CRIM1: variants seen among roughly 807,000 people sequenced by gnomAD.
CRIM1 encodes cysteine rich transmembrane BMP regulator 1, also known as cysteine-rich motor neuron 1 protein.
CRIM1 carries 32 observed loss-of-function variants against 116.4 expected under a neutral mutation model. That is an observed-to-expected ratio of 0.27 (90% CI 0.21 to 0.37). CRIM1 has a LOEUF of 0.37. Ranked by LOEUF, CRIM1 falls within the 10% of genes least tolerant of loss-of-function variation. The probability of loss-of-function intolerance (pLI) is 1.00; values close to 1 mark genes in which losing one functional copy is unlikely to be tolerated. For missense variants in CRIM1, 1,331 were observed against 1,354.8 expected (o/e 0.98, Z 0.28); for synonymous variants, 590 against 509.2 (o/e 1.16, Z -2.13).
intron 1 of CRIM1, among the ~76,000 whole-genome samples, chr2:36,367,427 C>G (rs1214433982): frequency 6.6e-6 from 1 of 152,140 alleles, no homozygotes; most frequent in Non-Finnish European, 1.5e-5. Context: ...TTTGAATCCC[C>G]CTTCATCTCT....
At chr2:36,362,364 C>G (rs954077694) in intron 1 of CRIM1, among the ~76,000 whole-genome samples, 3 of 152,142 alleles carry the variant, frequency 2.0e-5, no homozygotes, top group Non-Finnish European at 4.4e-5. Context: ...GTAGCCCTTT[C>G]TTTTGGCAGG....
intron 2 of CRIM1, among the ~76,000 whole-genome samples, chr2:36,405,900 A>T (rs967006340): frequency 2.0e-5 from 3 of 152,242 alleles, no homozygotes; most frequent in Non-Finnish European, 4.4e-5. Flanking sequence ...GTAAGGGACA[A>T]AACAAACCCT....
chr2:36,529,360 TAAC>T (rs1227139194), intron 13 of CRIM1: 4 of 252,942 alleles, frequency 1.6e-5, no homozygotes, highest in Admixed American at 1.3e-4. Context: ...AAGGTTTTCT[TAAC>T]AAGATGGTAT....
intron 13 of CRIM1, among the ~76,000 whole-genome samples, chr2:36,526,235 T>C (rs1665750019): frequency 6.6e-6 from 1 of 152,238 alleles, no homozygotes; most frequent in Non-Finnish European, 1.5e-5. Flanking sequence ...TAGATTTTAT[T>C]TTCATAAGCT....
chr2:36,465,938 T>G (rs939452891), intron 5 of CRIM1, among the ~76,000 whole-genome samples: 1 of 151,274 alleles, frequency 6.6e-6, no homozygotes, highest in Non-Finnish European at 1.5e-5. Context: ...CAGGCTGGAG[T>G]GCAGTGGCGC....
chr2:36,442,687 A>G lies in CRIM1; in HGVS notation c.821A>G (p.Glu274Gly), dbSNP rs1388836554. The G allele has an allele frequency of 6.2e-7, 1 of 1,614,072 alleles. No homozygotes were observed. The highest frequency in any genetic ancestry group is 8.5e-7 in the Non-Finnish European group (1 of 1,180,038). ...ACCGCGTGTCCCCCGGACAGCTATG[A>G]AACTCAAGTCAGACTAACTGCAGAT... ...QQTACPPDSY[E>G]TQVRLTADGC... Residue 274 changes from glutamate (E) to glycine (G), a missense_variant, in exon 4 of 17, where the codon GAA (glutamate) becomes GGA (glycine). By Grantham distance (98) the Glu-to-Gly change is moderately conservative. Coordinates refer to ENST00000280527, the MANE Select transcript of CRIM1 (RefSeq NM_016441.3).
intron 1 of CRIM1, among the ~76,000 whole-genome samples, chr2:36,365,757 CAG>C (rs1488795249): frequency 7.8e-6 from 1 of 128,302 alleles, no homozygotes; most frequent in Non-Finnish European, 1.6e-5. Flanking sequence ...TTTTTTGAGA[CAG>C]AGTCTCACTC....
chr2:36,489,936 T>G (rs1680106179), intron 7 of CRIM1, among the ~76,000 whole-genome samples: 1 of 152,292 alleles, frequency 6.6e-6, no homozygotes, highest in South Asian at 2.1e-4. Flanking sequence ...GATATCAGAC[T>G]GCTACTCAGC....
At chr2:36,425,237 A>G (rs1483062380) in intron 2 of CRIM1, among the ~76,000 whole-genome samples, 2 of 152,236 alleles carry the variant, frequency 1.3e-5, no homozygotes, top group Non-Finnish European at 2.9e-5. Context: ...TTTCTGAGTA[A>G]TATAAGGATA....
At position 36,545,691 on chromosome 2, in the gene CRIM1, G is replaced by A. The variant is rs1359795589; in HGVS notation, c.2746+1193G>A. The stretch of plus-strand genomic sequence containing the variant: ...TGGTTTTAGCACAGAAACAGAACTG[G>A]AAGACTGAATTTTGTAAACAGACCT... On this transcript the variant is annotated intron_variant, in intron 15 of 16. Coordinates refer to ENST00000280527, the MANE Select transcript of CRIM1 (RefSeq NM_016441.3). Among the ~76,000 whole-genome samples, 3 of 152,094 alleles carry A rather than the reference G, an allele frequency of 2.0e-5. No homozygotes were observed. In the East Asian group the frequency reaches 5.8e-4, roughly 29 times the overall value.
intron 15 of CRIM1, among the ~76,000 whole-genome samples, chr2:36,545,503 T>G (rs988021327): frequency 2.6e-5 from 4 of 152,154 alleles, no homozygotes; most frequent in African/African-American, 9.6e-5. Context: ...ATAAAGCCCC[T>G]AAAGAGAAAT....
At chr2:36,386,590 T>A (rs13399173) in intron 1 of CRIM1, among the ~76,000 whole-genome samples, 17,089 of 152,266 alleles carry the variant, frequency 0.11, 2,207 homozygotes, top group African/African-American at 0.32. Context: ...GTCCTCTCTA[T>A]CCCTATTTAT....
At chr2:36,395,254 G>C (rs1671935666) in intron 1 of CRIM1, among the ~76,000 whole-genome samples, 2 of 151,962 alleles carry the variant, frequency 1.3e-5, no homozygotes, top group African/African-American at 4.8e-5. Context: ...TGCCTGTCTT[G>C]GCCTCCCAAA....
In CRIM1 at chr2:36,464,559, G is replaced by T. The variant is rs1156688719; in HGVS notation, c.895G>T (p.Gly299Cys). 1.9e-6 allele frequency: 3 copies of T among 1,614,098 alleles called. No individual in the cohort carries two copies. Reference sequence around the variant, plus strand: ...ATGCGAGTGTCTCTCTGGCTTATGTGGTTTCCCCGTGTGTGAGGTGGGATC... The same window carrying T: ...ATGCGAGTGTCTCTCTGGCTTATGTTGTTTCCCCGTGTGTGAGGTGGGATC... ...TRCECLSGLC[G>C]FPVCEVGSTP... Residue 299 changes from glycine (G) to cysteine (C), a missense_variant, in exon 5 of 17, where the codon GGT (glycine) becomes TGT (cysteine). Around this residue, in one of 3 missense-constraint regions of CRIM1, gnomAD observed 690 missense variants for 676.0 expected, o/e 1.02. Transcript: ENST00000280527.
At chr2:36,440,081 A>G (rs559107496) in intron 2 of CRIM1, among the ~76,000 whole-genome samples, 9 of 152,312 alleles carry the variant, frequency 5.9e-5, no homozygotes, top group Admixed American at 4.6e-4. Context: ...AGGAACAGGC[A>G]TGGTTTTAAA....
chr2:36,409,068 T>C lies in CRIM1; in HGVS notation c.505+12281T>C, dbSNP rs945057652. On this transcript the variant is annotated intron_variant, in intron 2 of 16. Transcript: ENST00000280527. ...AGTTTTAATTAAAAAAGAAAATAATTTGCTAATGGGAGGAAGCAGGGCTGA... is the reference window on the plus strand; with the variant it reads ...AGTTTTAATTAAAAAAGAAAATAATCTGCTAATGGGAGGAAGCAGGGCTGA... 2.0e-5 allele frequency among the ~76,000 whole-genome samples: 3 copies of C among 151,874 alleles called. No homozygotes were observed. In the East Asian group the frequency reaches 5.8e-4, roughly 29 times the overall value.
intron 1 of CRIM1, among the ~76,000 whole-genome samples, chr2:36,376,668 T>A (rs1670342719): frequency 6.6e-6 from 1 of 152,228 alleles, no homozygotes. Context: ...CCTCTGGAGT[T>A]GGTGCTTCCA....
At chr2:36,357,023 C>A (rs575442387) in intron 1 of CRIM1, among the ~76,000 whole-genome samples, 2 of 152,216 alleles carry the variant, frequency 1.3e-5, no homozygotes, top group Non-Finnish European at 2.9e-5. Context: ...CCGCCCTCCC[C>A]GCACTGGCGC....
chr2:36,419,269 A>G (rs1284430794), intron 2 of CRIM1, among the ~76,000 whole-genome samples: 1 of 152,224 alleles, frequency 6.6e-6, no homozygotes, highest in Non-Finnish European at 1.5e-5. Flanking sequence ...ACATTAAAAC[A>G]TACATATACT....
Sources: allele counts gnomAD v4.1 joint callset (sites outside exome capture counted in the v4.1 genomes callset), GRCh38; gene constraint gnomAD v4.1.1; regional missense constraint gnomAD v4.1.1; transcripts MANE v1.5; gene names NCBI Gene and HGNC (gene_info 2026-07-23, HGNC 2026-07-21).